The following CPXM2 variants were observed in gnomAD, a reference collection of about 807,000 sequenced individuals.
CPXM2 encodes the protein inactive carboxypeptidase-like protein X2.
Under a neutral mutation model 86.1 loss-of-function variants are expected in CPXM2, and 66 were observed. The observed-to-expected ratio is 0.77, with a 90% CI of 0.63 to 0.94. The LOEUF (loss-of-function observed/expected upper bound fraction) is 0.94. CPXM2 is among the 40% of genes least tolerant of loss of function. The probability of loss-of-function intolerance (pLI) is 0.00; values close to 1 mark genes in which losing one functional copy is unlikely to be tolerated. For missense variants in CPXM2, 948 were observed against 1,026.3 expected (o/e 0.92, Z 1.04); for synonymous variants, 388 against 400.2 (o/e 0.97, Z 0.36).
intron 6 of CPXM2, among the ~76,000 whole-genome samples, chr10:123,790,070 A>G (rs1564770406): frequency 6.6e-6 from 1 of 152,082 alleles, no homozygotes; most frequent in Non-Finnish European, 1.5e-5. Context: ...GTGAGCCAAG[A>G]TCGCACCACT....
At chr10:123,829,643 T>A (rs1848123409) in intron 4 of CPXM2, among the ~76,000 whole-genome samples, 1 of 152,158 alleles carries the variant, frequency 6.6e-6, no homozygotes, top group South Asian at 2.1e-4. Context: ...AACAGAAATT[T>A]TTCATGGAGA....
At chr10:123,934,848 G>C (rs1481306394) in intron 2 of CPXM2, among the ~76,000 whole-genome samples, 1 of 152,116 alleles carries the variant, frequency 6.6e-6, no homozygotes, top group African/African-American at 2.4e-5. Context: ...CCTCCCACTA[G>C]CTGTGTTGGA....
upstream of CPXM2, among the ~76,000 whole-genome samples, chr10:123,892,509 G>A (rs1013094321): frequency 1.3e-5 from 2 of 152,158 alleles, no homozygotes; most frequent in South Asian, 2.1e-4. Context: ...TTCTTTATGC[G>A]GAGCCCAGGC....
chr10:123,768,496 C>T, intron 9 of CPXM2, 30 bp downstream of exon 9: 2 of 1,586,408 alleles, frequency 1.3e-6, no homozygotes, highest in South Asian at 1.1e-5. Flanking sequence ...TGCCCATGTC[C>T]TATTGGGTGA....
chr10:123,864,108 C>G (rs750627380), intron 2 of CPXM2, among the ~76,000 whole-genome samples: 11 of 152,166 alleles, frequency 7.2e-5, no homozygotes, highest in Non-Finnish European at 1.3e-4. Context: ...CCCTGCTGTG[C>G]CCCATTCTCA....
At chr10:123,822,265 G>A (rs553448865) in intron 4 of CPXM2, among the ~76,000 whole-genome samples, 1 of 152,184 alleles carries the variant, frequency 6.6e-6, no homozygotes, top group Admixed American at 6.5e-5. Flanking sequence ...TTTATAGACA[G>A]TGCAAACTTC....
chr10:123,897,407 G>A (rs1054412706), intron 2 of CPXM2, among the ~76,000 whole-genome samples: 1 of 152,124 alleles, frequency 6.6e-6, no homozygotes, highest in African/African-American at 2.4e-5. Context: ...TCTTGCTGAA[G>A]GTCATGTAAT....
At chr10:123,901,474 T>TGTGTGTGTGTG (rs1564818122) in intron 2 of CPXM2, among the ~76,000 whole-genome samples, 28 of 149,572 alleles carry the variant, frequency 1.9e-4, no homozygotes, top group African/African-American at 4.2e-4. Flanking sequence ...TGTGTGTGTG[T>TGTGTGTGTGTG]TTTCCCCTAT....
At chr10:123,797,042 G>C (rs975967813) in intron 6 of CPXM2, among the ~76,000 whole-genome samples, 8 of 152,262 alleles carry the variant, frequency 5.3e-5, no homozygotes, top group African/African-American at 1.9e-4. Context: ...TGCCTGAAAG[G>C]CTGAGACAGA....
Position 123,916,413 on chromosome 10 carries a change from C to A in CPXM2, n.174+23064G>T, listed in dbSNP as rs149821701. ...GTCTGCAAGACTGAGAAAACCAGAG[C>A]CATCAAGTCACTTAGCTAAGCACTC... On this transcript the variant is annotated intron_variant and non_coding_transcript_variant, in intron 2 of 19. Coordinates refer to the CPXM2 transcript ENST00000368854. Among the ~76,000 whole-genome samples, 88 of 152,274 alleles carry A rather than the reference C, an allele frequency of 5.8e-4. No individual in the cohort carries two copies. The East Asian group carries it at 0.016, about 27-fold the overall frequency.
chr10:123,792,197 T>C (rs931245606), intron 6 of CPXM2, among the ~76,000 whole-genome samples: 5 of 152,020 alleles, frequency 3.3e-5, no homozygotes, highest in Non-Finnish European at 7.4e-5. Context: ...ACCTTAGAAA[T>C]GAGGCAGCCA....
intron 9 of CPXM2, among the ~76,000 whole-genome samples, chr10:123,767,673 G>C (rs1589976431): frequency 6.6e-6 from 1 of 152,258 alleles, no homozygotes; most frequent in African/African-American, 2.4e-5. Context: ...CCCAGGTATT[G>C]AGATATATCA....
chr10:123,782,922 A>G (rs1846967847), intron 6 of CPXM2, among the ~76,000 whole-genome samples: 1 of 152,250 alleles, frequency 6.6e-6, no homozygotes, highest in Non-Finnish European at 1.5e-5. Flanking sequence ...AGAAGTCGGG[A>G]AAACCCATCA....
chr10:123,857,606 C>T (rs868616623), intron 3 of CPXM2, among the ~76,000 whole-genome samples: 1 of 139,678 alleles, frequency 7.2e-6, no homozygotes, highest in Non-Finnish European at 1.6e-5. Context: ...AGATGGAAGG[C>T]GGCGTGGAGA....
intron 4 of CPXM2, among the ~76,000 whole-genome samples, chr10:123,815,616 C>A (rs992471018): frequency 6.6e-6 from 1 of 152,140 alleles, no homozygotes; most frequent in Non-Finnish European, 1.5e-5. Context: ...GAGATAAACC[C>A]TGCGCTGCCT....
intron 3 of CPXM2, among the ~76,000 whole-genome samples, chr10:123,849,218 C>T (rs921189487): frequency 1.3e-5 from 2 of 151,934 alleles, no homozygotes; most frequent in African/African-American, 4.8e-5. Flanking sequence ...TAAGTGCATA[C>T]CTCTGAAAAT....
At chr10:123,864,154 A>T (rs932401797) in intron 2 of CPXM2, among the ~76,000 whole-genome samples, 2 of 151,686 alleles carry the variant, frequency 1.3e-5, no homozygotes, top group Non-Finnish European at 2.9e-5. Context: ...TCTTCTCCCC[A>T]TCACCTGGTC....
chr10:123,807,301 A>C (rs902431328), intron 4 of CPXM2, among the ~76,000 whole-genome samples: 14 of 152,188 alleles, frequency 9.2e-5, no homozygotes, highest in African/African-American at 3.4e-4. Flanking sequence ...TCATTGCCAT[A>C]AGGAAATTAA....
upstream of CPXM2, among the ~76,000 whole-genome samples, chr10:123,943,762 C>T (rs550917191): frequency 4.6e-5 from 7 of 152,128 alleles, no homozygotes; most frequent in Middle Eastern, 3.2e-3. Context: ...GGCTGTCTGG[C>T]GCAATGAAGC....
Sources: allele counts gnomAD v4.1 joint callset (sites outside exome capture counted in the v4.1 genomes callset), GRCh38; gene constraint gnomAD v4.1.1; transcripts MANE v1.5; gene names NCBI Gene and HGNC (gene_info 2026-07-23, HGNC 2026-07-21).